Variants in NANOGNB observed in about 807,000 individuals in gnomAD.
The protein encoded by NANOGNB is homeobox C14.
A neutral mutation model predicts 25.0 loss-of-function variants in NANOGNB; 30 were observed. The ratio of observed to expected loss-of-function variants is 1.20; its 90% CI spans 0.90 to 1.63. The LOEUF (loss-of-function observed/expected upper bound fraction) is 1.63. Among genes scored for constraint, NANOGNB ranks in the 40% most tolerant of loss-of-function variants. NANOGNB has a pLI of 0.00. For missense variants in NANOGNB, 200 were observed against 188.1 expected (o/e 1.06, Z -0.37); for synonymous variants, 84 against 62.1 (o/e 1.35, Z -1.66).
At chr12:7,765,569 CAAA>C (rs1187331161) in intron 1 of NANOGNB, among the ~76,000 whole-genome samples, 182 bp downstream of exon 1, 2 of 48,670 alleles carry the variant, frequency 4.1e-5, no homozygotes, top group African/African-American at 1.4e-4. Context: ...GACTCCGTCT[CAAA>C]AAAAAAAAAA....
intron 1 of NANOGNB, among the ~76,000 whole-genome samples, chr12:7,765,832 A>G (rs1865240805): frequency 6.6e-6 from 1 of 152,072 alleles, no homozygotes; most frequent in Non-Finnish European, 1.5e-5. Flanking sequence ...TTAGACATCC[A>G]AGCAGAGATA....
In NANOGNB at chr12:7,770,326, A is replaced by T. The variant is rs1865282139; in HGVS notation, c.435+11A>T. 1.3e-6 allele frequency: 2 copies of T among 1,523,004 alleles called. No individual in the cohort carries two copies. The highest frequency in any genetic ancestry group is 1.8e-6 in the Non-Finnish European group (2 of 1,136,904). 94.3% of individuals were successfully genotyped at this position (1,523,004 alleles called of 1,614,324 possible). The stretch of plus-strand genomic sequence containing the variant: ...ATGACACATAAACAGGTATGACAAC[A>T]TTAATAGACATTTCTTCATTGATAG... On this transcript the variant is annotated intron_variant, in intron 2 of 3. Transcript: ENST00000382119.
At chr12:7,773,725 C>CAA in intron 3 of NANOGNB, 75 bp from the exon 4 acceptor site, 1 of 459,668 alleles carries the variant, frequency 2.2e-6, no homozygotes. Flanking sequence ...AACTCCATCT[C>CAA]AAAAAAAAAT....
At chr12:7,771,223 T>TTGTTTGCTTG (rs1177592778) in intron 3 of NANOGNB, among the ~76,000 whole-genome samples, 1 of 152,158 alleles carries the variant, frequency 6.6e-6, no homozygotes, top group Non-Finnish European at 1.5e-5. Flanking sequence ...TTTTGTTTGT[T>TTGTTTGCTTG]TGTTTGCTTG....
At chr12:7,765,811 C>T (rs1418625549) in intron 1 of NANOGNB, among the ~76,000 whole-genome samples, 5 of 151,838 alleles carry the variant, frequency 3.3e-5, no homozygotes, top group African/African-American at 9.7e-5. Context: ...AAGTTCAATT[C>T]ACATAACTTA....
intron 1 of NANOGNB, among the ~76,000 whole-genome samples, chr12:7,768,503 C>G (rs1029476193): frequency 6.6e-6 from 1 of 151,646 alleles, no homozygotes; most frequent in African/African-American, 2.4e-5. Context: ...GTGCCACTGG[C>G]ATATTTCTTT....
At chr12:7,768,466 G>A (rs1039936771) in intron 1 of NANOGNB, among the ~76,000 whole-genome samples, 2 of 151,902 alleles carry the variant, frequency 1.3e-5, no homozygotes, top group South Asian at 4.1e-4. Flanking sequence ...GTAGGCTATA[G>A]ACCCCAGTTA....
rs2120517886 is a variant in NANOGNB at position 7,770,523 on chromosome 12, G to A, written c.515+5G>A. 6.9e-7 allele frequency: 1 copy of A among 1,440,822 alleles called. No homozygotes were observed. Among genetic ancestry groups the A allele is most frequent in the East Asian group, 2.5e-5 (1 of 40,302 alleles). The allele number at this position is 1,440,822 out of a possible 1,614,324, so 89.3% of individuals were successfully genotyped here. A position where few individuals can be genotyped will look rare whatever the true frequency, so the allele number is the denominator to read the frequency against. On this transcript the variant is annotated splice_donor_5th_base_variant and intron_variant, in intron 3 of 3. Transcript: ENST00000382119. ...GCATAAGAAAAAACATATGAGGTAA[G>A]AAAGTGTTTCTTGTAAAATAAAAGG...
chr12:7,773,575 A>AAAAAAAAAAAAAAC (rs1862607456), intron 3 of NANOGNB, among the ~76,000 whole-genome samples: 1 of 143,642 alleles, frequency 7.0e-6, no homozygotes, highest in Non-Finnish European at 1.5e-5. Context: ...AAAAAAAAAA[A>AAAAAAAAAAAAAAC]AAAAGCCAGG....
intron 3 of NANOGNB, among the ~76,000 whole-genome samples, chr12:7,772,493 G>A (rs1862581751): frequency 6.6e-6 from 1 of 151,362 alleles, no homozygotes; most frequent in Admixed American, 6.6e-5. Context: ...TAGCCAGGAT[G>A]GTCTCGATCT....
intron 1 of NANOGNB, among the ~76,000 whole-genome samples, chr12:7,768,491 A>G (rs994022245): frequency 1.6e-4 from 25 of 151,546 alleles, no homozygotes. Context: ...ATCAAACACT[A>G]GGTGCCACTG....
intron 3 of NANOGNB, among the ~76,000 whole-genome samples, chr12:7,771,792 T>G (rs1213354800): frequency 6.6e-6 from 1 of 151,996 alleles, no homozygotes; most frequent in Non-Finnish European, 1.5e-5. Flanking sequence ...AGCTAATTTT[T>G]GTATTTTTAG....
At position 7,770,013 on chromosome 12, in the gene NANOGNB, C is replaced by G; in HGVS notation, c.133C>G (p.Pro45Ala). ...ATCAGCTATGCCTTGGGATCAAGATCCAGAACAATCAACTGGAAATTACAG... is the reference window on the plus strand; with the variant it reads ...ATCAGCTATGCCTTGGGATCAAGATGCAGAACAATCAACTGGAAATTACAG... ...KQSAMPWDQD[P>A]EQSTGNYSED... Residue 45 changes from proline to alanine, a missense_variant, in exon 2 of 4, where the codon CCA (proline) becomes GCA (alanine). By Grantham distance (27) the Pro-to-Ala change is conservative (BLOSUM62 -1). Coordinates refer to ENST00000382119, the MANE Select transcript of NANOGNB (RefSeq NM_001145465.1). 2 of 1,526,022 alleles carry G rather than the reference C, an allele frequency of 1.3e-6. No homozygotes were observed. Among genetic ancestry groups the G allele is most frequent in the Non-Finnish European group, 1.8e-6 (2 of 1,140,814 alleles). 94.5% of individuals were successfully genotyped at this position (1,526,022 alleles called of 1,614,324 possible). A position where few individuals can be genotyped will look rare whatever the true frequency, so the allele number is the denominator to read the frequency against.
chr12:7,766,798 G>A (rs1239807939), intron 1 of NANOGNB, among the ~76,000 whole-genome samples: 1 of 151,964 alleles, frequency 6.6e-6, no homozygotes, highest in Non-Finnish European at 1.5e-5. Flanking sequence ...AAAGTGCTGC[G>A]ATTACAGGAG....
At position 7,770,177 on chromosome 12, in the gene NANOGNB, A is replaced by G. The variant is rs1215892636; in HGVS notation, c.297A>G (p.Lys99=). ...ACAAAAGGAAAAGGGAAAATGAGAA[A>G]CAGAAACAGTATCCCGAGAAAAGAT... ...QENKRKRENE[K]QKQYPEKRLV... Residue 99 remains lysine (K), a synonymous_variant, in exon 2 of 4, where the codon AAA becomes AAG. Coordinates refer to ENST00000382119, the MANE Select transcript of NANOGNB (RefSeq NM_001145465.1). 2 of 1,551,776 alleles carry G rather than the reference A, an allele frequency of 1.3e-6. No individual in the cohort carries two copies. Among genetic ancestry groups the G allele is most frequent in the Non-Finnish European group, 1.7e-6 (2 of 1,146,914 alleles).
rs869038102 is a variant in NANOGNB, at chr12:7,773,546, C to CAAAAAAAAAAAAAAAAAAAAAAAA, written c.516-244_516-221dup. The stretch of plus-strand genomic sequence containing the variant: ...TGAAACTCCATCTCTACTAAAAATA[C>CAAAAAAAAAAAAAAAAAAAAAAAA]AAAAAAAAAAAAAAAAAAAAAAAAA... On this transcript the variant is annotated intron_variant, in intron 3 of 3. Transcript: ENST00000382119. 6.5e-4 allele frequency among the ~76,000 whole-genome samples: 10 copies of CAAAAAAAAAAAAAAAAAAAAAAAA among 15,444 alleles called. 2 individuals carry two copies. The highest frequency in any genetic ancestry group is 6.3e-3 in the East Asian group (2 of 320). The allele number at this position is 15,444 out of a possible 152,430, so 10.1% of individuals were successfully genotyped here.
intron 1 of NANOGNB, among the ~76,000 whole-genome samples, chr12:7,766,813 C>T (rs1298884517): frequency 6.6e-6 from 1 of 151,672 alleles, no homozygotes; most frequent in East Asian, 1.9e-4. Context: ...CAGGAGTGAC[C>T]CTCCACGCCT....
chr12:7,772,320 C>G lies in NANOGNB; in HGVS notation c.516-1480C>G, dbSNP rs762887673. On this transcript the variant is annotated intron_variant, in intron 3 of 3. Transcript: ENST00000382119. ...TTCGAGACAGTCTCACTCTGTCGCC[C>G]AGGCTGGAGTGCAGTGGCACAATCT... 2.2e-4 allele frequency among the ~76,000 whole-genome samples: 33 copies of G among 152,248 alleles called. 1 individual carries two copies. The South Asian group carries it at 6.8e-3, about 32-fold the overall frequency.
chr12:7,767,331 G>T (rs142441595), intron 1 of NANOGNB, among the ~76,000 whole-genome samples: 59 of 150,210 alleles, frequency 3.9e-4, no homozygotes, highest in African/African-American at 1.4e-3. Context: ...TTCTGTAAAA[G>T]AAATTGAGAA....
Sources: gnomAD v4.1 joint callset for allele counts (sites outside exome capture counted in the v4.1 genomes callset) on GRCh38, gnomAD v4.1.1 for gene constraint, MANE v1.5 for transcripts, NCBI Gene and HGNC (gene_info 2026-07-23, HGNC 2026-07-21) for gene names.